NALCN: variants seen among roughly 807,000 people sequenced by gnomAD.
NALCN encodes the protein sodium leak channel NALCN.
In NALCN, 111 loss-of-function variants were observed where a neutral mutation model predicts 225.3. The ratio of observed to expected loss-of-function variants is 0.49; its 90% CI spans 0.42 to 0.58. The LOEUF (loss-of-function observed/expected upper bound fraction) is 0.58, where lower values mean the gene tolerates loss of function less well. NALCN is among the 20% of genes least tolerant of loss of function. The pLI is 0.00. For missense variants in NALCN, 1,378 were observed against 2,202.4 expected, an observed-to-expected ratio of 0.63 and a Z score of 7.49; for synonymous variants, 764 against 769.0, an observed-to-expected ratio of 0.99 and a Z score of 0.11.
intron 12 of NALCN, among the ~76,000 whole-genome samples, chr13:101,235,739 A>G (rs1025936434): frequency 3.3e-5 from 5 of 152,182 alleles, no homozygotes; most frequent in Admixed American, 1.3e-4. Flanking sequence ...TGTGGTTTCA[A>G]TATGCTTAGC....
chr13:101,281,537 T>C (rs1326336747), intron 10 of NALCN, among the ~76,000 whole-genome samples: 1 of 152,228 alleles, frequency 6.6e-6, no homozygotes, highest in Non-Finnish European at 1.5e-5. Context: ...GTAGTAGTTT[T>C]ATATTAGCAG....
At chr13:101,191,109 T>C (rs1210447288) in intron 14 of NALCN, among the ~76,000 whole-genome samples, 1 of 152,202 alleles carries the variant, frequency 6.6e-6, no homozygotes, top group Non-Finnish European at 1.5e-5. Context: ...AAAACAATAG[T>C]AGCAGTTGTA....
intron 18 of NALCN, among the ~76,000 whole-genome samples, chr13:101,122,883 T>C (rs1200797905): frequency 2.0e-5 from 3 of 152,196 alleles, no homozygotes; most frequent in Non-Finnish European, 4.4e-5. Context: ...AACTGTCACC[T>C]GGATAAATAA....
At chr13:101,240,573 G>T (rs1248667357) in intron 11 of NALCN, among the ~76,000 whole-genome samples, 1 of 151,866 alleles carries the variant, frequency 6.6e-6, no homozygotes, top group Non-Finnish European at 1.5e-5. Flanking sequence ...GATTTATTTT[G>T]GAGTTAATCA....
chr13:101,409,968 G>T (rs570660952), intron 1 of NALCN, among the ~76,000 whole-genome samples: 2 of 152,278 alleles, frequency 1.3e-5, no homozygotes, highest in East Asian at 3.9e-4. Flanking sequence ...CCATGAAGGT[G>T]GAGACCCCAT....
chr13:101,130,926 G>C (rs17621506), intron 17 of NALCN, among the ~76,000 whole-genome samples: 2,906 of 152,120 alleles, frequency 0.019, 37 homozygotes, highest in Middle Eastern at 0.071. Context: ...TCTTGCTGTG[G>C]TTTTTCTTCC....
chr13:101,159,641 C>G (rs957397456), intron 15 of NALCN, among the ~76,000 whole-genome samples: 2 of 152,178 alleles, frequency 1.3e-5, no homozygotes, highest in Non-Finnish European at 2.9e-5. Context: ...AATGACAGCT[C>G]TCGACTCTTT....
chr13:101,309,157 A>C (rs2044253582), intron 7 of NALCN, among the ~76,000 whole-genome samples: 2 of 152,352 alleles, frequency 1.3e-5, no homozygotes, highest in Non-Finnish European at 2.9e-5. Context: ...CAAGGCTTTA[A>C]AAATCTTGCC....
At chr13:101,406,242 C>T (rs2047621021) in intron 1 of NALCN, among the ~76,000 whole-genome samples, 4 of 151,968 alleles carry the variant, frequency 2.6e-5, no homozygotes, top group Admixed American at 2.6e-4. Flanking sequence ...GGGAGGCTCA[C>T]TTGAGCCTGG....
At chr13:101,238,693 T>A (rs1221032058) in intron 11 of NALCN, among the ~76,000 whole-genome samples, 1 of 151,980 alleles carries the variant, frequency 6.6e-6, no homozygotes, top group Non-Finnish European at 1.5e-5. Flanking sequence ...TAACTTCTAA[T>A]TAAAGACTAT....
intron 13 of NALCN, among the ~76,000 whole-genome samples, chr13:101,215,538 C>G (rs1247909812): frequency 6.6e-6 from 1 of 152,066 alleles, no homozygotes; most frequent in Non-Finnish European, 1.5e-5. Context: ...TTGGTCTCAT[C>G]TGGAGCTTGC....
intron 6 of NALCN, among the ~76,000 whole-genome samples, 161 bp from the exon 7 acceptor site, chr13:101,345,581 C>T (rs1167139634): frequency 6.6e-6 from 1 of 151,462 alleles, no homozygotes; most frequent in African/African-American, 2.4e-5. Context: ...AGGAGAATCC[C>T]TTGAGCCCAG....
chr13:101,085,722 G>A (rs1310844703), intron 30 of NALCN, among the ~76,000 whole-genome samples: 4 of 152,054 alleles, frequency 2.6e-5, no homozygotes, highest in Non-Finnish European at 5.9e-5. Context: ...ATTATTTGCT[G>A]CTTATCTGAA....
chr13:101,177,409 G>GTATATATATATATATATATATATATATA lies in NALCN; in HGVS notation c.1765-1036_1765-1035insTATATATATATATATATATATATATATA, dbSNP rs10624930. 2.7e-3 allele frequency among the ~76,000 whole-genome samples: 333 copies of GTATATATATATATATATATATATATATA among 124,126 alleles called. 11 individuals carry two copies. The highest frequency in any genetic ancestry group is 4.1e-3 in the Non-Finnish European group (226 of 55,054). The allele number at this position is 124,126 out of a possible 152,430, so 81.4% of individuals were successfully genotyped here. A position where few individuals can be genotyped will look rare whatever the true frequency, so the allele number is the denominator to read the frequency against. On this transcript the variant is annotated intron_variant, in intron 14 of 43. Coordinates refer to ENST00000251127, the MANE Select transcript of NALCN (RefSeq NM_052867.4). ...AAACACATTATAACAGTAAATACGA[G>GTATATATATATATATATATATATATATA]TATATATATATATATATATATATGG... is the stretch of plus-strand genomic sequence containing the variant.
intron 15 of NALCN, among the ~76,000 whole-genome samples, chr13:101,146,923 A>G (rs1250545339): frequency 6.6e-6 from 1 of 152,160 alleles, no homozygotes; most frequent in Non-Finnish European, 1.5e-5. Context: ...GTATAGAGCA[A>G]AGAGAGAAAT....
chr13:101,271,970 A>G (rs1267857690), intron 10 of NALCN, among the ~76,000 whole-genome samples: 1 of 136,762 alleles, frequency 7.3e-6, no homozygotes, highest in African/African-American at 2.7e-5. Flanking sequence ...GCGTGTAGAT[A>G]TGTGTGTGTG....
chr13:101,062,161 T>A, intron 40 of NALCN, 43 bp from the exon 41 acceptor site: 1 of 1,604,858 alleles, frequency 6.2e-7, no homozygotes, highest in East Asian at 2.2e-5. Context: ...CTGATTCACC[T>A]GAGATTTACA....
At chr13:101,400,431 T>C (rs1212947259) in intron 1 of NALCN, among the ~76,000 whole-genome samples, 1 of 152,024 alleles carries the variant, frequency 6.6e-6, no homozygotes, top group Non-Finnish European at 1.5e-5. Flanking sequence ...AGTTTTAACA[T>C]CAGGCGGGTT....
chr13:101,296,172 C>G (rs1251846107), intron 7 of NALCN, among the ~76,000 whole-genome samples: 1 of 152,160 alleles, frequency 6.6e-6, no homozygotes, highest in East Asian at 1.9e-4. Context: ...ACTGAATTCT[C>G]TACCTTGTTT....
Sources: allele counts gnomAD v4.1 joint callset (sites outside exome capture counted in the v4.1 genomes callset), GRCh38; gene constraint gnomAD v4.1.1; transcripts MANE v1.5; gene names NCBI Gene and HGNC (gene_info 2026-07-23, HGNC 2026-07-21).